Variants in SNAP23 observed in about 807,000 individuals in gnomAD.
The protein encoded by SNAP23 is synaptosomal-associated protein 23.
Under a neutral mutation model 29.0 loss-of-function variants are expected in SNAP23, and 11 were observed. The ratio of observed to expected loss-of-function variants is 0.38; its 90% confidence interval spans 0.24 to 0.63. The LOEUF is 0.63. SNAP23 is among the 20% of genes least tolerant of loss of function. The pLI, the probability that SNAP23 is intolerant of heterozygous loss-of-function variation, is 0.58. For synonymous variants in SNAP23, 60 were observed against 82.9 expected (o/e 0.72, Z 1.50); for missense variants, 220 against 253.9 (o/e 0.87, Z 0.91).
chr15:42,524,744 G>T (rs2057482358), intron 5 of SNAP23, among the ~76,000 whole-genome samples: 1 of 152,120 alleles, frequency 6.6e-6, no homozygotes, highest in Non-Finnish European at 1.5e-5. Flanking sequence ...AAGCATCTAA[G>T]ACCCTTTGGA....
intron 6 of SNAP23, among the ~76,000 whole-genome samples, chr15:42,529,399 ATGT>A (rs1236607047): frequency 6.6e-6 from 1 of 152,184 alleles, no homozygotes; most frequent in Non-Finnish European, 1.5e-5. Context: ...TAGCATTCTC[ATGT>A]CTAACAGCTT....
chr15:42,497,095 T>G (rs925443674), intron 1 of SNAP23, among the ~76,000 whole-genome samples: 26 of 150,342 alleles, frequency 1.7e-4, no homozygotes, highest in African/African-American at 6.1e-4. Context: ...CAGGCTGGAG[T>G]GCAGTGGCGC....
In SNAP23 at chr15:42,531,973, T is replaced by C. The variant is rs2141566109; in HGVS notation, c.*495T>C. 6.6e-6 allele frequency: 1 copy of C among 152,478 alleles called. No homozygotes were observed. Among genetic ancestry groups the C allele is most frequent in the South Asian group, 2.1e-4 (1 of 4,828 alleles). The allele number at this position is 152,478 out of a possible 1,614,324, so 9.4% of individuals were successfully genotyped here. ...AGTTGGATATAGTTTTTGATTTAAG[T>C]TGCAGTTATAGCCAATTTAGGCTAA... is the stretch of plus-strand genomic sequence containing the variant. On this transcript the variant is annotated 3_prime_UTR_variant, in exon 8 of 8. Transcript: ENST00000249647.
intron 1 of SNAP23, among the ~76,000 whole-genome samples, chr15:42,500,155 T>C (rs113979838): frequency 0.11 from 16,752 of 148,728 alleles, 1,108 homozygotes; most frequent in Non-Finnish European, 0.15. Flanking sequence ...TTTTTTTCCC[T>C]GAATTCAGGC....
rs536055791 is a variant in SNAP23 at position 42,532,617 on chromosome 15, C to A, written c.*1139C>A. 6.5e-6 allele frequency: 1 copy of A among 152,684 alleles called. No homozygotes were observed. The highest frequency in any genetic ancestry group is 2.1e-4 in the South Asian group (1 of 4,828). The allele number at this position is 152,684 out of a possible 1,614,324, so 9.5% of individuals were successfully genotyped here. ...ATATATATGTGTAACATGAGAATTT[C>A]TCTCTAAAGCAGGGCTTAAAATTTT... On this transcript the variant is annotated 3_prime_UTR_variant, in exon 8 of 8. Coordinates refer to ENST00000249647, the MANE Select transcript of SNAP23 (RefSeq NM_003825.4).
intron 1 of SNAP23, among the ~76,000 whole-genome samples, chr15:42,497,529 GA>G (rs1265005790): frequency 6.6e-6 from 1 of 151,974 alleles, no homozygotes. Flanking sequence ...TTTTTTAGTA[GA>G]GACGGGGTTT....
chr15:42,525,915 T>C (rs551205242), intron 5 of SNAP23, among the ~76,000 whole-genome samples: 14 of 152,328 alleles, frequency 9.2e-5, no homozygotes, highest in African/African-American at 3.4e-4. Context: ...AGAAGAATTC[T>C]CATAAGTGTA....
At chr15:42,509,663 C>T (rs1282107054) in intron 1 of SNAP23, among the ~76,000 whole-genome samples, 1 of 152,110 alleles carries the variant, frequency 6.6e-6, no homozygotes, top group African/African-American at 2.4e-5. Context: ...TGGCCTCGAT[C>T]TCCTAACCCC....
At chr15:42,509,350 C>T (rs2057340754) in intron 1 of SNAP23, among the ~76,000 whole-genome samples, 1 of 151,874 alleles carries the variant, frequency 6.6e-6, no homozygotes, top group African/African-American at 2.4e-5. Context: ...GCCTGAAGCA[C>T]AGTCTATGGC....
intron 1 of SNAP23, among the ~76,000 whole-genome samples, chr15:42,510,981 G>A (rs2057354548): frequency 6.6e-6 from 1 of 152,172 alleles, no homozygotes; most frequent in Non-Finnish European, 1.5e-5. Flanking sequence ...CATTGACCGT[G>A]AGTTTTGATA....
At chr15:42,519,544 A>AT (rs2057426218) in intron 5 of SNAP23, among the ~76,000 whole-genome samples, 1 of 150,474 alleles carries the variant, frequency 6.6e-6, no homozygotes, top group South Asian at 2.1e-4. Flanking sequence ...TAACTAATGT[A>AT]TTTTTAGTAG....
chr15:42,494,510 CTTTT>C (rs71108164), upstream of SNAP23, among the ~76,000 whole-genome samples: 4 of 122,400 alleles, frequency 3.3e-5, no homozygotes, highest in Non-Finnish European at 5.2e-5. Context: ...TTTTTTCTTT[CTTTT>C]TTTTTTTTTT....
chr15:42,503,862 G>A (rs551409421), intron 1 of SNAP23, among the ~76,000 whole-genome samples: 1 of 152,214 alleles, frequency 6.6e-6, no homozygotes, highest in South Asian at 2.1e-4. Context: ...TTGCATTTGA[G>A]TTATAGACTT....
At position 42,532,516 on chromosome 15, in the gene SNAP23, T is replaced by G. The variant is rs2057576541; in HGVS notation, c.*1038T>G. On this transcript the variant is annotated 3_prime_UTR_variant, in exon 8 of 8. Transcript: ENST00000249647. The stretch of plus-strand genomic sequence containing the variant: ...ATGAGTGGCTTTTTATTTCATATTA[T>G]TAGTAGTATCATGGTTCCATTACAG... The G allele has an allele frequency of 6.6e-6, 1 of 152,574 alleles. No individual in the cohort carries two copies. The highest frequency in any genetic ancestry group is 2.4e-5 in the African/African-American group (1 of 41,466). 9.5% of individuals were successfully genotyped at this position (152,574 alleles called of 1,614,324 possible).
intron 1 of SNAP23, among the ~76,000 whole-genome samples, chr15:42,507,084 C>T (rs997073119): frequency 1.3e-5 from 2 of 152,114 alleles, no homozygotes; most frequent in East Asian, 1.9e-4. Flanking sequence ...TCCTAAAGTA[C>T]TGGGATTACA....
In SNAP23 at chr15:42,500,151, T is replaced by C. The variant is rs575723419; in HGVS notation, c.-15+4438T>C. Among the ~76,000 whole-genome samples the C allele has an allele frequency of 6.6e-3, 841 of 126,566 alleles. 3 individuals are homozygous for C. The highest frequency in any genetic ancestry group is 8.4e-3 in the Non-Finnish European group (473 of 56,374). The allele number at this position is 126,566 out of a possible 152,430, so 83.0% of individuals were successfully genotyped here. ...CTTTGATATCAGCTGCCTTTTTTTT[T>C]CCCTGAATTCAGGCTTTCCCCCGCC... On this transcript the variant is annotated intron_variant, in intron 1 of 7. Coordinates refer to ENST00000249647, the MANE Select transcript of SNAP23 (RefSeq NM_003825.4).
At chr15:42,526,682 C>T (rs1307126921) in intron 5 of SNAP23, among the ~76,000 whole-genome samples, 2 of 152,074 alleles carry the variant, frequency 1.3e-5, no homozygotes, top group East Asian at 1.9e-4. Flanking sequence ...CATACTATTT[C>T]GTTTTTGTTT....
At chr15:42,509,923 G>C (rs958611314) in intron 1 of SNAP23, among the ~76,000 whole-genome samples, 1 of 152,006 alleles carries the variant, frequency 6.6e-6, no homozygotes, top group Non-Finnish European at 1.5e-5. Flanking sequence ...ACAGAAATTA[G>C]TGGGGCGTGG....
chr15:42,529,961 T>A, intron 7 of SNAP23, 142 bp downstream of exon 7: 1 of 884,350 alleles, frequency 1.1e-6, no homozygotes, highest in Non-Finnish European at 1.7e-6. Flanking sequence ...GTGGTGGTTC[T>A]AACACATAAA....
Sources: allele counts gnomAD v4.1 joint callset (sites outside exome capture counted in the v4.1 genomes callset), GRCh38; gene constraint gnomAD v4.1.1; transcripts MANE v1.5; gene names NCBI Gene and HGNC (gene_info 2026-07-23, HGNC 2026-07-21).